Variants in ASTN2 observed in about 807,000 individuals in gnomAD.
ASTN2 encodes astrotactin-2.
ASTN2 carries 54 observed loss-of-function variants against 139.8 expected under a neutral mutation model. That is an observed-to-expected ratio of 0.39 (90% CI 0.31 to 0.48). The LOEUF (loss-of-function observed/expected upper bound fraction) is 0.48, where lower values mean the gene tolerates loss of function less well. Ranked by LOEUF, ASTN2 falls within the 20% of genes least tolerant of loss-of-function variation. ASTN2 has a pLI of 0.95. For missense variants in ASTN2, 1,565 were observed against 1,725.1 expected (o/e 0.91, Z 1.64); for synonymous variants, 756 against 719.5 (o/e 1.05, Z -0.81).
At chr9:117,082,578 G>T (rs1025906024) in intron 5 of ASTN2, among the ~76,000 whole-genome samples, 1 of 152,148 alleles carries the variant, frequency 6.6e-6, no homozygotes, top group African/African-American at 2.4e-5. Context: ...GAGGCAGGCA[G>T]ATCACCTGAG....
chr9:117,369,370 G>C (rs1480937441), intron 1 of ASTN2, among the ~76,000 whole-genome samples: 3 of 151,706 alleles, frequency 2.0e-5, no homozygotes, highest in African/African-American at 7.3e-5. Flanking sequence ...CTTTTCAGGG[G>C]CCAGGCACCA....
At chr9:117,037,318 T>C (rs1838413959) in intron 6 of ASTN2, among the ~76,000 whole-genome samples, 1 of 148,086 alleles carries the variant, frequency 6.8e-6, no homozygotes, top group Non-Finnish European at 1.5e-5. Flanking sequence ...TTTGCCGCTG[T>C]CTCGGGTAAT....
intron 4 of ASTN2, among the ~76,000 whole-genome samples, chr9:117,117,386 A>G (rs2132804226): frequency 7.5e-6 from 1 of 132,874 alleles, no homozygotes; most frequent in Non-Finnish European, 1.6e-5. Flanking sequence ...AAAAGAAAAG[A>G]ACGAAGAAAG....
intron 10 of ASTN2, among the ~76,000 whole-genome samples, chr9:116,908,453 G>A (rs1348079965): frequency 6.6e-6 from 1 of 152,092 alleles, no homozygotes; most frequent in African/African-American, 2.4e-5. Flanking sequence ...TCAATAAATG[G>A]AGGCTATCAT....
intron 11 of ASTN2, among the ~76,000 whole-genome samples, chr9:116,848,064 C>A (rs1470605234): frequency 6.6e-6 from 1 of 152,152 alleles, no homozygotes; most frequent in East Asian, 1.9e-4. Context: ...GGGTTCAAGG[C>A]GCTGGGAGGA....
At chr9:117,217,096 A>G (rs1269515226) in intron 2 of ASTN2, among the ~76,000 whole-genome samples, 2 of 152,130 alleles carry the variant, frequency 1.3e-5, no homozygotes, top group Non-Finnish European at 2.9e-5. Context: ...ACTGAACGGC[A>G]ATTCTCACTG....
At chr9:117,013,911 A>T (rs896554114) in intron 6 of ASTN2, among the ~76,000 whole-genome samples, 1 of 152,168 alleles carries the variant, frequency 6.6e-6, no homozygotes, top group Non-Finnish European at 1.5e-5. Context: ...GATAGATTTC[A>T]AAAGAAGGCT....
At position 117,021,824 on chromosome 9, in the gene ASTN2, T is replaced by C. The variant is rs184905472; in HGVS notation, c.1424-13565A>G. Among the ~76,000 whole-genome samples, 53 of 152,274 alleles carry C rather than the reference T, an allele frequency of 3.5e-4. 1 individual carries two copies. The South Asian group carries it at 8.5e-3, about 24-fold the overall frequency. On this transcript the variant is annotated intron_variant, in intron 6 of 22. Transcript: ENST00000313400. The stretch of plus-strand genomic sequence containing the variant: ...CTCACTTTTAGTATAAACGAGGTAA[T>C]AGATGTAAAGTGCTTAAAACTGCAC...
intron 4 of ASTN2, among the ~76,000 whole-genome samples, chr9:117,110,732 C>A (rs1052864551): frequency 2.6e-5 from 4 of 152,174 alleles, no homozygotes; most frequent in Non-Finnish European, 5.9e-5. Context: ...AAGTAGCCAG[C>A]ACAGGATGAA....
intron 10 of ASTN2, among the ~76,000 whole-genome samples, chr9:116,956,098 T>TC (rs1366174663): frequency 2.8e-4 from 41 of 146,388 alleles, no homozygotes; most frequent in Admixed American, 8.9e-4. Flanking sequence ...TCTTTTCTTT[T>TC]TTTTTTTTTT....
At chr9:116,520,079 AAAG>A (rs1331052613) in intron 19 of ASTN2, among the ~76,000 whole-genome samples, 4 of 152,110 alleles carry the variant, frequency 2.6e-5, no homozygotes, top group African/African-American at 9.6e-5. Flanking sequence ...TCAGACATTC[AAAG>A]AAGAATTGGT....
chr9:116,651,165 C>T (rs553225223), intron 17 of ASTN2, among the ~76,000 whole-genome samples: 30 of 152,208 alleles, frequency 2.0e-4, no homozygotes, highest in African/African-American at 7.2e-4. Flanking sequence ...AATCCACCCG[C>T]CTTGGCCTCC....
At chr9:117,240,041 T>A (rs1401988444) in intron 2 of ASTN2, among the ~76,000 whole-genome samples, 6 of 152,198 alleles carry the variant, frequency 3.9e-5, no homozygotes, top group Non-Finnish European at 7.3e-5. Flanking sequence ...ATTACCCCAA[T>A]AAAGCCATCA....
At chr9:117,067,424 T>C (rs1181592664) in intron 5 of ASTN2, among the ~76,000 whole-genome samples, 3 of 112,044 alleles carry the variant, frequency 2.7e-5, no homozygotes, top group African/African-American at 9.3e-5. Flanking sequence ...GTAGTATAGT[T>C]TGAAGTCAGG....
intron 1 of ASTN2, among the ~76,000 whole-genome samples, chr9:117,412,007 TC>T (rs145255224): frequency 0.61 from 56,297 of 92,668 alleles, 14,076 homozygotes; most frequent in Non-Finnish European, 0.67. Context: ...ACCTCACCCC[TC>T]CCCCCCCCAA....
chr9:116,641,029 A>T (rs1338137442), intron 17 of ASTN2, among the ~76,000 whole-genome samples: 3 of 152,180 alleles, frequency 2.0e-5, no homozygotes, highest in Non-Finnish European at 4.4e-5. Flanking sequence ...TCAGGATTTT[A>T]AAAATGGAAA....
intron 13 of ASTN2, among the ~76,000 whole-genome samples, chr9:116,801,585 CAAAAAAAAAAAAA>C (rs397893932): frequency 1.8e-3 from 108 of 60,378 alleles, no homozygotes; most frequent in African/African-American, 5.9e-3. Flanking sequence ...GGCTCTGTCT[CAAAAAAAAAAAAA>C]AAAAAAAAAA....
chr9:116,653,561 C>T (rs1858042854), intron 16 of ASTN2, among the ~76,000 whole-genome samples: 1 of 152,212 alleles, frequency 6.6e-6, no homozygotes, highest in South Asian at 2.1e-4. Flanking sequence ...TAATTTTATA[C>T]TAAGAGACAG....
At chr9:116,892,662 AAAAC>A (rs1374158370) in intron 10 of ASTN2, among the ~76,000 whole-genome samples, 1 of 152,180 alleles carries the variant, frequency 6.6e-6, no homozygotes, top group Non-Finnish European at 1.5e-5. Flanking sequence ...AGTAAAAAGA[AAAAC>A]AAATCCATTA....
Sources: allele counts gnomAD v4.1 joint callset (sites outside exome capture counted in the v4.1 genomes callset), GRCh38; gene constraint gnomAD v4.1.1; transcripts MANE v1.5; gene names NCBI Gene and HGNC (gene_info 2026-07-23, HGNC 2026-07-21).